The following SCAPER variants were observed in gnomAD, a reference collection of about 807,000 sequenced individuals.
SCAPER encodes the protein S-phase cyclin A associated protein in the ER.
In SCAPER, 98 loss-of-function variants were observed where a neutral mutation model predicts 182.2. The observed-to-expected ratio is 0.54, with a 90% CI of 0.46 to 0.64. The LOEUF (loss-of-function observed/expected upper bound fraction) is 0.64. Among genes scored for constraint, SCAPER ranks in the 30% least tolerant of loss-of-function variants. The pLI is 0.00. For synonymous variants in SCAPER, 605 were observed against 564.6 expected, an observed-to-expected ratio of 1.07 and a Z score of -1.01; for missense variants, 1,432 against 1,690.0, an observed-to-expected ratio of 0.85 and a Z score of 2.68.
intron 23 of SCAPER, among the ~76,000 whole-genome samples, chr15:76,517,255 A>T (rs901600830): frequency 6.6e-6 from 1 of 151,924 alleles, no homozygotes; most frequent in African/African-American, 2.4e-5. Flanking sequence ...TATTTTTAAA[A>T]CTTTTTATTT....
intron 5 of SCAPER, among the ~76,000 whole-genome samples, chr15:76,807,164 C>G (rs1273758227): frequency 6.6e-6 from 1 of 152,192 alleles, no homozygotes; most frequent in Non-Finnish European, 1.5e-5. Context: ...AGCTTTCAGT[C>G]TTTCACCATT....
chr15:76,506,798 T>A (rs1202616059), intron 23 of SCAPER, among the ~76,000 whole-genome samples: 1 of 152,194 alleles, frequency 6.6e-6, no homozygotes, highest in East Asian at 1.9e-4. Context: ...TCATTTTAGC[T>A]GTATCCTTTT....
rs764412430 is a variant in SCAPER, at chr15:76,631,577, AG to A, written c.2646-9749del. 5.5e-4 allele frequency among the ~76,000 whole-genome samples: 83 copies of A among 152,094 alleles called. 2 individuals carry two copies. The South Asian group carries it at 0.012, about 22-fold the overall frequency. ...TTAGTTTGGCCGGATATGAAATTTT[AG>A]GTTGGATTTTCTTTAAGAATGATGA... On this transcript the variant is annotated intron_variant, in intron 21 of 31. Coordinates refer to ENST00000563290, the MANE Select transcript of SCAPER (RefSeq NM_020843.4).
intron 27 of SCAPER, among the ~76,000 whole-genome samples, chr15:76,398,026 C>T (rs1458802959): frequency 6.6e-6 from 1 of 152,168 alleles, no homozygotes; most frequent in Admixed American, 6.6e-5. Context: ...TAAAATACCA[C>T]CATATATATC....
chr15:76,419,610 C>CT (rs1300428029), intron 26 of SCAPER, among the ~76,000 whole-genome samples: 4 of 151,862 alleles, frequency 2.6e-5, no homozygotes, highest in African/African-American at 9.7e-5. Context: ...ATCCCGGCTA[C>CT]TTGGGAGGCT....
chr15:76,668,890 G>T (rs2056814158), intron 20 of SCAPER, among the ~76,000 whole-genome samples: 1 of 152,102 alleles, frequency 6.6e-6, no homozygotes, highest in Non-Finnish European at 1.5e-5. Context: ...AAGATACATT[G>T]AGCTAAGTAC....
At chr15:76,407,362 C>T (rs1020028416) in intron 26 of SCAPER, among the ~76,000 whole-genome samples, 19 of 152,208 alleles carry the variant, frequency 1.2e-4, no homozygotes, top group Admixed American at 5.2e-4. Context: ...CTTACAGGAC[C>T]GCCATTGTAT....
In SCAPER at chr15:76,434,160, T is replaced by C; in HGVS notation, c.3229A>G (p.Thr1077Ala). 6.2e-7 allele frequency: 1 copy of C among 1,613,996 alleles called. No homozygotes were observed. Among genetic ancestry groups the C allele is most frequent in the Non-Finnish European group, 8.5e-7 (1 of 1,179,882 alleles). The change falls in exon 26 of 32, where the codon ACC becomes GCC. Residue 1077 changes from threonine to alanine, a missense_variant. This residue lies in a region of SCAPER where 718 missense variants were observed against 799.7 expected (regional missense o/e 0.90). Coordinates refer to ENST00000563290, the MANE Select transcript of SCAPER (RefSeq NM_020843.4). ...ATTTCCTGTGTTGGTATTTTTGGGG[T>C]AGCTGGCTGGCAGTTTCCATCTGGT... is the stretch of plus-strand genomic sequence containing the variant. ...NRPDGNCQPA[T>A]PKIPTQEMKN...
intron 8 of SCAPER, among the ~76,000 whole-genome samples, chr15:76,791,346 A>G (rs2064994717): frequency 6.6e-6 from 1 of 152,230 alleles, no homozygotes; most frequent in Non-Finnish European, 1.5e-5. Context: ...AGCATTGAAA[A>G]GCAGCCGATG....
chr15:76,564,739 T>G (rs527741829), intron 23 of SCAPER, among the ~76,000 whole-genome samples: 31 of 152,274 alleles, frequency 2.0e-4, no homozygotes, highest in Non-Finnish European at 3.7e-4. Flanking sequence ...AGAAGAAAGC[T>G]GGAGGCATCA....
At chr15:76,384,007 T>A (rs2043137633) in intron 27 of SCAPER, among the ~76,000 whole-genome samples, 1 of 152,210 alleles carries the variant, frequency 6.6e-6, no homozygotes, top group Non-Finnish European at 1.5e-5. Flanking sequence ...TTAGCTAATG[T>A]CAGCTGGCCC....
At chr15:76,533,004 T>C (rs778887128) in intron 23 of SCAPER, among the ~76,000 whole-genome samples, 1 of 152,238 alleles carries the variant, frequency 6.6e-6, no homozygotes, top group Non-Finnish European at 1.5e-5. Flanking sequence ...TTTTAGAAAC[T>C]ACAGTTTTGT....
intron 21 of SCAPER, among the ~76,000 whole-genome samples, chr15:76,640,348 C>T (rs944880025): frequency 3.9e-5 from 6 of 152,076 alleles, no homozygotes; most frequent in African/African-American, 1.2e-4. Context: ...TGTATAACTC[C>T]GTTTCAATAT....
rs573506763 is a variant in SCAPER at position 76,721,585 on chromosome 15, G to A, written c.2165+7010C>T. Among the ~76,000 whole-genome samples the A allele has an allele frequency of 2.2e-3, 330 of 151,896 alleles. 1 individual carries two copies. The highest frequency in any genetic ancestry group is 3.1e-3 in the Admixed American group (48 of 15,244). ...ATGGAATGTTCTTCCATTTGTTTGT[G>A]TCCTCTTTTATTTCATTGAGCAGTG... On this transcript the variant is annotated intron_variant, in intron 17 of 31. Coordinates refer to ENST00000563290, the MANE Select transcript of SCAPER (RefSeq NM_020843.4).
intron 23 of SCAPER, among the ~76,000 whole-genome samples, chr15:76,536,421 T>G (rs1405828376): frequency 6.6e-6 from 1 of 152,236 alleles, no homozygotes; most frequent in African/African-American, 2.4e-5. Context: ...CTTGGTCAAA[T>G]TAGTTAATCT....
intron 8 of SCAPER, among the ~76,000 whole-genome samples, chr15:76,788,470 C>A (rs1490258914): frequency 6.6e-6 from 1 of 152,020 alleles, no homozygotes; most frequent in Admixed American, 6.5e-5. Flanking sequence ...TATCATAGAA[C>A]AGTGTGTCAT....
rs965824040 is a variant in SCAPER at position 76,800,335 on chromosome 15, T to A, written c.524A>T (p.Lys175Met). 6.2e-7 allele frequency: 1 copy of A among 1,612,556 alleles called. No homozygotes were observed. Among genetic ancestry groups the A allele is most frequent in the Non-Finnish European group, 8.5e-7 (1 of 1,178,976 alleles). ...AATCACATGGCGTCCCGGAGACATCTTCTTTACTTCCCATGCCAATGATGT... is the reference window on the plus strand; with the variant it reads ...AATCACATGGCGTCCCGGAGACATCATCTTTACTTCCCATGCCAATGATGT... ...RPTSLAWEVK[K>M]MSPGRHVIPS... The change falls in exon 7 of 32, where the codon AAG (lysine) becomes ATG (methionine). Residue 175 changes from lysine to methionine, a missense_variant. Transcript: ENST00000563290.
intron 29 of SCAPER, among the ~76,000 whole-genome samples, chr15:76,373,988 A>C (rs1422003508): frequency 6.7e-6 from 1 of 148,906 alleles, no homozygotes; most frequent in Non-Finnish European, 1.5e-5. Context: ...CTGCCACCAC[A>C]ACCATCTCTT....
At chr15:76,659,176 C>G (rs1380490375) in intron 21 of SCAPER, among the ~76,000 whole-genome samples, 1 of 152,108 alleles carries the variant, frequency 6.6e-6, no homozygotes, top group Admixed American at 6.5e-5. Flanking sequence ...AACCATGAAT[C>G]TGACAAAGGT....
Sources: allele counts gnomAD v4.1 joint callset (sites outside exome capture counted in the v4.1 genomes callset), GRCh38; gene constraint gnomAD v4.1.1; regional missense constraint gnomAD v4.1.1; transcripts MANE v1.5; gene names NCBI Gene and HGNC (gene_info 2026-07-23, HGNC 2026-07-21).